BRD9: variants seen among roughly 807,000 people sequenced by gnomAD.
BRD9 encodes bromodomain-containing protein 9.
Under a neutral mutation model 68.7 loss-of-function variants are expected in BRD9, and 47 were observed. The ratio of observed to expected loss-of-function variants is 0.68; its 90% CI spans 0.54 to 0.87. The LOEUF (loss-of-function observed/expected upper bound fraction) is 0.87, where lower values mean the gene tolerates loss of function less well. Among genes scored for constraint, BRD9 ranks in the 40% least tolerant of loss-of-function variants. The pLI is 0.00. For missense variants in BRD9, 670 were observed against 748.4 expected (o/e 0.90, Z 1.22); for synonymous variants, 313 against 293.9 (o/e 1.06, Z -0.67).
chr5:887,805 T>C (rs1446708007), intron 5 of BRD9, among the ~76,000 whole-genome samples: 1 of 152,232 alleles, frequency 6.6e-6, no homozygotes, highest in East Asian at 1.9e-4. Flanking sequence ...ACGACCCGAT[T>C]CTTTCAAGTG....
intron 1 of BRD9, chr5:892,372 G>A (rs1470432704): frequency 3.1e-6 from 3 of 974,510 alleles, no homozygotes; most frequent in Non-Finnish European, 4.3e-6. Flanking sequence ...GGGTGAGTGG[G>A]CTTGCAGCCT....
At chr5:884,715 C>T (rs1045577043) in intron 7 of BRD9, among the ~76,000 whole-genome samples, 4 of 152,264 alleles carry the variant, frequency 2.6e-5, no homozygotes, top group African/African-American at 9.6e-5. Flanking sequence ...GGCCTAGGGC[C>T]AGGTGCAGGC....
At chr5:882,706 A>G (rs1234729544) in intron 8 of BRD9, among the ~76,000 whole-genome samples, 1 of 150,606 alleles carries the variant, frequency 6.6e-6, no homozygotes, top group Non-Finnish European at 1.5e-5. Context: ...ACCTCCCAAC[A>G]CATAAGCCAC....
intron 12 of BRD9, among the ~76,000 whole-genome samples, chr5:873,755 T>C (rs547375669): frequency 6.6e-6 from 1 of 152,268 alleles, no homozygotes; most frequent in East Asian, 1.9e-4. Flanking sequence ...CCCCAGTTCA[T>C]CTGTAACAAG....
intron 1 of BRD9, chr5:892,379 G>C: frequency 9.5e-7 from 1 of 1,055,558 alleles, no homozygotes; most frequent in South Asian, 1.8e-5. Context: ...TGGGCTTGCA[G>C]CCTCGAACCC....
chr5:871,067 C>T (rs1475235244), intron 13 of BRD9, among the ~76,000 whole-genome samples: 1 of 152,226 alleles, frequency 6.6e-6, no homozygotes, highest in Non-Finnish European at 1.5e-5. Flanking sequence ...TCTCCAGGTT[C>T]CCAGGGACCC....
intron 5 of BRD9, 24 bp downstream of exon 5, chr5:888,997 C>T (rs1580007682): frequency 1.9e-6 from 3 of 1,600,164 alleles, no homozygotes; most frequent in South Asian, 2.3e-5. Flanking sequence ...GCCACGATTA[C>T]TTCGGGCAAT....
chr5:874,155 T>G (rs1440009270), intron 12 of BRD9, among the ~76,000 whole-genome samples: 1 of 152,144 alleles, frequency 6.6e-6, no homozygotes, highest in Non-Finnish European at 1.5e-5. Flanking sequence ...TTGCCTAGAG[T>G]GCGGTGGTGC....
intron 8 of BRD9, chr5:881,610 GATCC>G (rs60636696): frequency 0.015 from 3,540 of 241,938 alleles, 126 homozygotes; most frequent in African/African-American, 0.073. Flanking sequence ...CCATCAGGAG[GATCC>G]AGGAAGAGGA....
At chr5:892,133 G>A (rs1753523400) in intron 1 of BRD9, 2 of 486,600 alleles carry the variant, frequency 4.1e-6, no homozygotes, top group Non-Finnish European at 3.6e-6. Context: ...CAAGAAGATG[G>A]ATTAAGAGGG....
chr5:889,809 C>G (rs115264375), intron 3 of BRD9, 162 bp from the exon 4 acceptor site: 70,224 of 1,443,306 alleles, frequency 0.049, 1,900 homozygotes, highest in African/African-American at 0.083. Context: ...TGGCTCCCAC[C>G]AAGCTCAGCC....
intron 3 of BRD9, 162 bp from the exon 4 acceptor site, chr5:889,809 C>A: frequency 1.4e-6 from 2 of 1,443,570 alleles, no homozygotes; most frequent in African/African-American, 2.8e-5. Context: ...TGGCTCCCAC[C>A]AAGCTCAGCC....
chr5:870,293 A>C (rs1051846222), intron 14 of BRD9, 180 bp downstream of exon 14: 2 of 591,668 alleles, frequency 3.4e-6, no homozygotes, highest in Non-Finnish European at 6.0e-6. Flanking sequence ...AACACTCAGG[A>C]GATTCCAAGG....
rs1560904826 is a variant in BRD9 at position 876,187 on chromosome 5, C to G, written c.1297G>C (p.Gly433Arg). ...LSLQEFVKDA[G>R]SYSKKVVDDL... ...TCCACCACTTTCTTGCTGTAGCTCC[C>G]AGCATCCTTCACAAACTCCTGCAGG... The change falls in exon 12 of 16, where the codon GGG (glycine) becomes CGG (arginine). Residue 433 changes from glycine (G) to arginine (R), a missense_variant. By Grantham distance (125) the Gly-to-Arg change is moderately radical. Around this residue, in one of 5 missense-constraint regions of BRD9, gnomAD observed 280 missense variants for 281.5 expected, o/e 0.99. Coordinates refer to ENST00000467963, the MANE Select transcript of BRD9 (RefSeq NM_023924.5). 1 of 1,613,900 alleles carries G rather than the reference C, an allele frequency of 6.2e-7. No individual in the cohort carries two copies.
chr5:891,630 G>A lies in BRD9; in HGVS notation c.267+10C>T. On this transcript the variant is annotated intron_variant, in intron 2 of 15. Transcript: ENST00000467963. ...GGGCAGCGTCCGGGCCACCGCCGCT[G>A]CTCCTTTACCTTTCGCTTCCTTCTT... The A allele has an allele frequency of 4.5e-6, 7 of 1,550,452 alleles. No homozygotes were observed. The highest frequency in any genetic ancestry group is 2.0e-5 in the Admixed American group (1 of 50,918).
chr5:885,799 C>T (rs554240095), intron 7 of BRD9, among the ~76,000 whole-genome samples: 1 of 152,360 alleles, frequency 6.6e-6, no homozygotes, highest in South Asian at 2.1e-4. Flanking sequence ...ATGTTAAGTG[C>T]TCTTGGTGCC....
chr5:875,577 T>C (rs956873242), intron 12 of BRD9, among the ~76,000 whole-genome samples: 1 of 152,202 alleles, frequency 6.6e-6, no homozygotes, highest in African/African-American at 2.4e-5. Context: ...CTCGACCTCC[T>C]GACCTTGGAT....
Position 889,873 on chromosome 5 carries a change from G to C in BRD9, c.401-226C>G, listed in dbSNP as rs528307238. The C allele has an allele frequency of 3.9e-5, 32 of 829,026 alleles. No homozygotes were observed. The African/African-American group carries it at 5.5e-4, about 14-fold the overall frequency. The allele number at this position is 829,026 out of a possible 1,614,324, so 51.4% of individuals were successfully genotyped here. On this transcript the variant is annotated intron_variant, in intron 3 of 15. Transcript: ENST00000467963. ...GTCATAAAAATCTCTTGTAATAACC[G>C]GTAGCCCTTACATCAACAATATGTG...
At chr5:870,131 G>A (rs1749926203) in intron 14 of BRD9, among the ~76,000 whole-genome samples, 2 of 152,196 alleles carry the variant, frequency 1.3e-5, no homozygotes. Flanking sequence ...CAGGCGTCCA[G>A]CAATGAGGCT....
Sources: gnomAD v4.1 joint callset for allele counts (sites outside exome capture counted in the v4.1 genomes callset) on GRCh38, gnomAD v4.1.1 for gene constraint, gnomAD v4.1.1 regional missense constraint, MANE v1.5 for transcripts, NCBI Gene and HGNC (gene_info 2026-07-23, HGNC 2026-07-21) for gene names.